ADORA2A: variants seen among roughly 807,000 people sequenced by gnomAD.
ADORA2A encodes adenosine A2a receptor.
A neutral mutation model predicts 18.4 loss-of-function variants in ADORA2A; 11 were observed. That is an observed-to-expected ratio of 0.60 (90% CI 0.38 to 0.99). The LOEUF (loss-of-function observed/expected upper bound fraction) is 0.99, where lower values mean the gene tolerates loss of function less well. Among genes scored for constraint, ADORA2A ranks in the 50% least tolerant of loss-of-function variants. The probability of loss-of-function intolerance (pLI) is 0.01; values close to 1 mark genes in which losing one functional copy is unlikely to be tolerated. For missense variants in ADORA2A, 449 were observed against 556.1 expected (o/e 0.81, Z 1.94); for synonymous variants, 218 against 237.3 (o/e 0.92, Z 0.75).
rs200512185 is a variant in ADORA2A, at chr22:24,441,120, C to T, written c.870C>T (p.Tyr290=). The T allele has an allele frequency of 6.2e-7, 1 of 1,614,208 alleles. No individual in the cohort carries two copies. The highest frequency in any genetic ancestry group is 8.5e-7 in the Non-Finnish European group (1 of 1,180,056). Reference sequence around the variant, plus strand: ...TTGTGAATCCCTTCATCTACGCCTACCGTATCCGCGAGTTCCGCCAGACCT... The same window carrying T: ...TTGTGAATCCCTTCATCTACGCCTATCGTATCCGCGAGTTCCGCCAGACCT... ...NSVVNPFIYA[Y]RIREFRQTFR... Residue 290 remains tyrosine, a synonymous_variant, in exon 3 of 3, where the codon TAC becomes TAT. Transcript: ENST00000337539.
intron 1 of ADORA2A, chr22:24,432,921 C>T (rs181705803): frequency 5.3e-5 from 9 of 168,966 alleles, no homozygotes; most frequent in Non-Finnish European, 1.0e-4. Flanking sequence ...CCACCTCTCT[C>T]GCCTCCTGGC....
At chr22:24,436,685 G>A (rs530587805) in intron 2 of ADORA2A, among the ~76,000 whole-genome samples, 5 of 152,234 alleles carry the variant, frequency 3.3e-5, no homozygotes, top group Non-Finnish European at 5.9e-5. Context: ...ACAGGCCAAG[G>A]TGCAGGTGGC....
chr22:24,441,064 C>A lies in ADORA2A; in HGVS notation c.814C>A (p.Leu272Met). Residue 272 changes from leucine to methionine, a missense_variant, in exon 3 of 3, where the codon CTG becomes ATG. Leu to Met is a conservative substitution (Grantham distance 15). Transcript: ENST00000337539. ...CCACGCCCCTCTCTGGCTCATGTAC[C>A]TGGCCATCGTCCTCTCCCACACCAA... The part of the protein sequence containing the change: ...CSHAPLWLMY[L>M]AIVLSHTNSV... 9 of 1,614,166 alleles carry A rather than the reference C, an allele frequency of 5.6e-6. No homozygotes were observed. The highest frequency in any genetic ancestry group is 7.6e-6 in the Non-Finnish European group (9 of 1,180,048).
upstream of ADORA2A, among the ~76,000 whole-genome samples, chr22:24,424,735 CGTCT>C (rs1019941840): frequency 1.5e-4 from 23 of 152,276 alleles, no homozygotes; most frequent in African/African-American, 5.1e-4. The surrounding 1 kb of genome is among the most constrained non-coding windows in gnomAD (Gnocchi z 4.9). Context: ...TGGCCCCGGC[CGTCT>C]GTCTGGCTGC....
chr22:24,430,864 T>A (rs1450899181), intron 1 of ADORA2A: 1 of 346,640 alleles, frequency 2.9e-6, no homozygotes, highest in East Asian at 7.7e-5. Flanking sequence ...AGGCGGCTCC[T>A]CAGTGGCCCA....
chr22:24,440,558 T>C (rs2043313370), intron 2 of ADORA2A, 25 bp from the exon 3 acceptor site: 1 of 1,531,918 alleles, frequency 6.5e-7, no homozygotes, highest in East Asian at 2.3e-5. Context: ...TTCTCAGATC[T>C]CTGATGCTGG....
At chr22:24,425,337 A>ACCCCCCCCCCCCCCCCCCCCCCC (rs398036656), upstream of ADORA2A, among the ~76,000 whole-genome samples, 46 of 82,356 alleles carry the variant, frequency 5.6e-4, 2 homozygotes, top group Admixed American at 1.0e-3. Context: ...TGTGGGCAGC[A>ACCCCCCCCCCCCCCCCCCCCCCC]CCCCCCCCCC....
chr22:24,431,812 G>T (rs1165317118), intron 1 of ADORA2A, among the ~76,000 whole-genome samples: 3 of 152,148 alleles, frequency 2.0e-5, no homozygotes, highest in Non-Finnish European at 4.4e-5. Flanking sequence ...CTGGGCTCAG[G>T]CCTGCTGGGG....
rs146232387 is a variant in ADORA2A at position 24,433,554 on chromosome 22, G to T, written c.150G>T (p.Ala50=). ...ACTACTTTGTGGTGTCACTGGCGGC[G>T]GCCGACATCGCAGTGGGTGTGCTCG... ...VTNYFVVSLA[A]ADIAVGVLAI... The change falls in exon 2 of 3, where the codon GCG becomes GCT. Residue 50 remains alanine, a synonymous_variant. Transcript: ENST00000337539. The T allele has an allele frequency of 1.9e-6, 3 of 1,614,106 alleles. No individual in the cohort carries two copies. The Admixed American group carries it at 5.0e-5, about 27-fold the overall frequency.
intron 1 of ADORA2A, chr22:24,429,882 G>A (rs1032024124): frequency 6.6e-6 from 1 of 152,332 alleles, no homozygotes; most frequent in Admixed American, 6.5e-5. Flanking sequence ...AGCAGTGACT[G>A]GCATCGTGGC....
At chr22:24,440,276 T>C (rs1305973816) in intron 2 of ADORA2A, among the ~76,000 whole-genome samples, 1 of 152,222 alleles carries the variant, frequency 6.6e-6, no homozygotes, top group Non-Finnish European at 1.5e-5. Flanking sequence ...CATGCGTTAA[T>C]TTCCTCCAAC....
rs1439210381 is a variant in ADORA2A, at chr22:24,433,576, C to G, written c.172C>G (p.Leu58Val). The G allele has an allele frequency of 6.2e-7, 1 of 1,614,124 alleles. No homozygotes were observed. The highest frequency in any genetic ancestry group is 2.2e-5 in the East Asian group (1 of 44,882). Residue 58 changes from leucine (L) to valine (V), a missense_variant, in exon 2 of 3, where the codon CTC becomes GTC. Leu to Val is a conservative substitution (Grantham distance 32, BLOSUM62 1). Coordinates refer to ENST00000337539, the MANE Select transcript of ADORA2A (RefSeq NM_000675.6). ...LAAADIAVGV[L>V]AIPFAITIST... The stretch of plus-strand genomic sequence containing the variant: ...GGCGGCCGACATCGCAGTGGGTGTG[C>G]TCGCCATCCCCTTTGCCATCACCAT...
intron 2 of ADORA2A, chr22:24,439,669 C>T (rs908773306): frequency 6.6e-6 from 1 of 152,122 alleles, no homozygotes; most frequent in African/African-American, 2.4e-5. Flanking sequence ...ATCTAGGCCA[C>T]CTTTCCTACA....
intron 2 of ADORA2A, chr22:24,439,334 T>C (rs2043271129): frequency 6.6e-6 from 1 of 152,160 alleles, no homozygotes; most frequent in South Asian, 2.1e-4. Flanking sequence ...GTGCTGGGAT[T>C]ACAGGTGTGA....
upstream of ADORA2A, among the ~76,000 whole-genome samples, chr22:24,426,769 G>A (rs1240866772): frequency 6.6e-6 from 1 of 152,148 alleles, no homozygotes; most frequent in African/African-American, 2.4e-5. Flanking sequence ...TCCCAGCACA[G>A]GGGATGATGG....
At position 24,433,431 on chromosome 22, in the gene ADORA2A, C is replaced by T. The variant is rs2043093811; in HGVS notation, c.27C>T (p.Tyr9=). 1 of 1,611,678 alleles carries T rather than the reference C, an allele frequency of 6.2e-7. No homozygotes were observed. The highest frequency in any genetic ancestry group is 8.5e-7 in the Non-Finnish European group (1 of 1,179,124). The stretch of plus-strand genomic sequence containing the variant: ...TGCCCATCATGGGCTCCTCGGTGTA[C>T]ATCACGGTGGAGCTGGCCATTGCTG... MPIMGSSV[Y]ITVELAIAVL... Residue 9 remains tyrosine, a synonymous_variant, in exon 2 of 3, where the codon TAC becomes TAT. Coordinates refer to ENST00000337539, the MANE Select transcript of ADORA2A (RefSeq NM_000675.6).
upstream of ADORA2A, among the ~76,000 whole-genome samples, chr22:24,425,039 C>G (rs2042902145): frequency 6.6e-6 from 1 of 152,178 alleles, no homozygotes; most frequent in South Asian, 2.1e-4. Flanking sequence ...GAAGCACCTC[C>G]TCTCTTGGGC....
At chr22:24,434,899 G>A (rs1056698972) in intron 2 of ADORA2A, among the ~76,000 whole-genome samples, 19 of 152,216 alleles carry the variant, frequency 1.2e-4, no homozygotes, top group African/African-American at 3.9e-4. Flanking sequence ...CAACGAGTTG[G>A]TAGTGGAGCT....
chr22:24,435,757 C>T (rs2043158442), intron 2 of ADORA2A, among the ~76,000 whole-genome samples: 1 of 152,132 alleles, frequency 6.6e-6, no homozygotes, highest in Admixed American at 6.5e-5. Flanking sequence ...GGGTTCAGAG[C>T]CATGGACCTG....
Sources: gnomAD v4.1 joint callset for allele counts (sites outside exome capture counted in the v4.1 genomes callset) on GRCh38, gnomAD v4.1.1 for gene constraint, Gnocchi (gnomAD v3.1) non-coding constraint, MANE v1.5 for transcripts, NCBI Gene and HGNC (gene_info 2026-07-23, HGNC 2026-07-21) for gene names.